Variants in UNC13C observed in about 807,000 individuals in gnomAD.
UNC13C encodes the protein protein unc-13 homolog C.
A neutral mutation model predicts 245.4 loss-of-function variants in UNC13C; 174 were observed. That is an observed-to-expected ratio of 0.71 (90% confidence interval 0.63 to 0.80). The LOEUF is 0.80. UNC13C is among the 30% of genes least tolerant of loss of function. UNC13C has a pLI of 0.00. For synonymous variants in UNC13C, 992 were observed against 895.1 expected (o/e 1.11, Z -1.93); for missense variants, 2,829 against 2,602.9 (o/e 1.09, Z -1.89).
At chr15:54,017,553 T>C (rs1038484272) in intron 2 of UNC13C, among the ~76,000 whole-genome samples, 7 of 152,056 alleles carry the variant, frequency 4.6e-5, no homozygotes, top group African/African-American at 1.7e-4. Context: ...GAGAAATGTT[T>C]TAATGGCAGT....
the UNC13C span, among the ~76,000 whole-genome samples, chr15:53,840,798 A>T: frequency 6.6e-6 from 1 of 152,192 alleles, no homozygotes; most frequent in Non-Finnish European, 1.5e-5. Context: ...GATTACTCAT[A>T]TGTGACCAGA....
At chr15:54,242,080 A>G (rs2140845966) in intron 7 of UNC13C, among the ~76,000 whole-genome samples, 1 of 152,252 alleles carries the variant, frequency 6.6e-6, no homozygotes, top group African/African-American at 2.4e-5. Context: ...ATATTTTTGC[A>G]TCTACTTTGC....
chr15:54,249,307 T>C (rs2036079080), intron 7 of UNC13C, among the ~76,000 whole-genome samples: 2 of 152,170 alleles, frequency 1.3e-5, no homozygotes, highest in African/African-American at 2.4e-5. Flanking sequence ...TGTAGACTAC[T>C]TCTGTTATCA....
chr15:53,963,884 T>C, the UNC13C span, among the ~76,000 whole-genome samples: 79 of 152,208 alleles, frequency 5.2e-4, no homozygotes, highest in African/African-American at 1.8e-3. Flanking sequence ...GGCTGGATGG[T>C]TTTATATCCA....
chr15:54,180,833 G>A (rs553501495), intron 4 of UNC13C, among the ~76,000 whole-genome samples: 19 of 151,924 alleles, frequency 1.3e-4, no homozygotes, highest in African/African-American at 4.3e-4. Context: ...CATTTTGATG[G>A]CATTATTCAT....
chr15:54,182,010 T>A (rs1468495078), intron 4 of UNC13C, among the ~76,000 whole-genome samples: 2 of 151,514 alleles, frequency 1.3e-5, no homozygotes, highest in Non-Finnish European at 2.9e-5. Flanking sequence ...TCTTTGCCTA[T>A]TTTATTGCCT....
At chr15:54,270,689 A>G (rs1442296962) in intron 10 of UNC13C, among the ~76,000 whole-genome samples, 2 of 152,154 alleles carry the variant, frequency 1.3e-5, no homozygotes, top group African/African-American at 4.8e-5. Flanking sequence ...AAATTCTACT[A>G]AAATAAGAAT....
intron 17 of UNC13C, among the ~76,000 whole-genome samples, chr15:54,349,815 A>G (rs1013633612): frequency 6.6e-6 from 1 of 152,178 alleles, no homozygotes; most frequent in Non-Finnish European, 1.5e-5. Flanking sequence ...CAACCCAGGT[A>G]TCTTTCACAG....
intron 17 of UNC13C, among the ~76,000 whole-genome samples, chr15:54,385,783 A>G (rs763634731): frequency 7.2e-5 from 11 of 151,956 alleles, no homozygotes; most frequent in Non-Finnish European, 2.9e-5. Context: ...CTTAATCATT[A>G]TATGCTCTAT....
chr15:54,393,626 CAT>C (rs368993299), intron 18 of UNC13C, among the ~76,000 whole-genome samples: 6 of 151,954 alleles, frequency 3.9e-5, no homozygotes, highest in Admixed American at 1.3e-4. Context: ...AATTTAATAA[CAT>C]ATTTAATAAA....
At chr15:54,158,565 C>T (rs746492345) in intron 4 of UNC13C, among the ~76,000 whole-genome samples, 21 of 152,158 alleles carry the variant, frequency 1.4e-4, no homozygotes, top group African/African-American at 3.9e-4. Context: ...GTGATCCACA[C>T]GCCTCAGCCT....
chr15:54,544,745 G>A (rs547995764), intron 26 of UNC13C, among the ~76,000 whole-genome samples: 115 of 152,258 alleles, frequency 7.6e-4, no homozygotes, highest in South Asian at 1.9e-3. Flanking sequence ...TACAAGGGAA[G>A]TGAAGGACCT....
At chr15:54,368,948 C>A (rs2039427179) in intron 17 of UNC13C, among the ~76,000 whole-genome samples, 1 of 151,894 alleles carries the variant, frequency 6.6e-6, no homozygotes, top group Admixed American at 6.6e-5. Flanking sequence ...TAGGACATAA[C>A]CATGTTAAAC....
chr15:54,354,099 T>C (rs1300707675), intron 17 of UNC13C, among the ~76,000 whole-genome samples: 1 of 152,128 alleles, frequency 6.6e-6, no homozygotes, highest in African/African-American at 2.4e-5. Flanking sequence ...TGGATTCAAA[T>C]AGAGGCTCCC....
chr15:54,500,735 T>A, intron 21 of UNC13C, 100 bp from the exon 22 acceptor site: 3 of 916,710 alleles, frequency 3.3e-6, no homozygotes, highest in Non-Finnish European at 5.0e-6. Flanking sequence ...AATGTAAATA[T>A]GTGATACGGG....
At chr15:54,624,095 G>A in intron 32 of UNC13C, 141 bp downstream of exon 32, 4 of 1,010,068 alleles carry the variant, frequency 4.0e-6, no homozygotes, top group Non-Finnish European at 5.9e-6. Context: ...TTCAATATCT[G>A]TTCAGTGCCT....
chr15:54,183,225 CTTTAAG>C (rs1337968378), intron 4 of UNC13C, among the ~76,000 whole-genome samples: 2 of 151,528 alleles, frequency 1.3e-5, no homozygotes, highest in East Asian at 1.9e-4. Flanking sequence ...TAAATACATT[CTTTAAG>C]TTTAAAAGTC....
intron 19 of UNC13C, among the ~76,000 whole-genome samples, chr15:54,429,721 T>TG (rs2040832932): frequency 6.6e-6 from 1 of 151,678 alleles, no homozygotes; most frequent in African/African-American, 2.4e-5. Context: ...TTTATCTCCA[T>TG]GGGAATTTGA....
chr15:53,919,468 T>A, the UNC13C span, among the ~76,000 whole-genome samples: 1 of 152,164 alleles, frequency 6.6e-6, no homozygotes, highest in Non-Finnish European at 1.5e-5. Flanking sequence ...CAGGGAGGAA[T>A]TCTCAGAGGA....
Sources: gnomAD v4.1 joint callset for allele counts (sites outside exome capture counted in the v4.1 genomes callset) on GRCh38, gnomAD v4.1.1 for gene constraint, MANE v1.5 for transcripts, NCBI Gene and HGNC (gene_info 2026-07-23, HGNC 2026-07-21) for gene names.